The following ARHGAP19 variants were observed in gnomAD, a reference collection of about 807,000 sequenced individuals.
ARHGAP19 encodes rho GTPase-activating protein 19.
Under a neutral mutation model 60.9 loss-of-function variants are expected in ARHGAP19, and 48 were observed. The ratio of observed to expected loss-of-function variants is 0.79; its 90% confidence interval spans 0.62 to 1.00. The LOEUF is 1.00. Ranked by LOEUF, ARHGAP19 falls within the 50% of genes least tolerant of loss-of-function variation. ARHGAP19 has a pLI of 0.00. For missense variants in ARHGAP19, 562 were observed against 597.2 expected (o/e 0.94, Z 0.61); for synonymous variants, 209 against 215.5 (o/e 0.97, Z 0.27).
intron 9 of ARHGAP19, among the ~76,000 whole-genome samples, chr10:97,234,532 C>T (rs1363339401): frequency 6.6e-6 from 1 of 151,334 alleles, no homozygotes; most frequent in Non-Finnish European, 1.5e-5. Context: ...CCAAGTTAAC[C>T]AAAACCTTGC....
In ARHGAP19 at chr10:97,268,318, T is replaced by C. The variant is rs1221811243; in HGVS notation, c.57-2193A>G. Among the ~76,000 whole-genome samples, 6 of 152,332 alleles carry C rather than the reference T, an allele frequency of 3.9e-5. No individual in the cohort carries two copies. The South Asian group carries it at 6.2e-4, about 16-fold the overall frequency. On this transcript the variant is annotated intron_variant, in intron 1 of 11. Coordinates refer to ENST00000358531, the MANE Select transcript of ARHGAP19 (RefSeq NM_032900.6). The stretch of plus-strand genomic sequence containing the variant: ...TGGTCAAAGCTATTCAACAAGTCTC[T>C]AGGAAGTTCCAAACTTTCCCACGTT...
intron 9 of ARHGAP19, among the ~76,000 whole-genome samples, chr10:97,231,363 G>A (rs1851013478): frequency 6.6e-6 from 1 of 152,000 alleles, no homozygotes; most frequent in African/African-American, 2.4e-5. Flanking sequence ...ATGGTATTAA[G>A]TATATTAATA....
At chr10:97,264,780 G>A in intron 3 of ARHGAP19, 46 bp downstream of exon 3, 3 of 1,457,466 alleles carry the variant, frequency 2.1e-6, no homozygotes, top group Admixed American at 1.7e-5. Context: ...ACAGAAAACA[G>A]AATTCTTCAT....
chr10:97,292,543 C>G (rs1843251594), intron 1 of ARHGAP19, 29 bp downstream of exon 1: 1 of 1,614,112 alleles, frequency 6.2e-7, no homozygotes, highest in Non-Finnish European at 8.5e-7. Context: ...GGCCGCGTTT[C>G]CCAGGAAACT....
rs1398236393 is a variant in ARHGAP19, at chr10:97,244,178, A to G, written c.994-19T>C. On this transcript the variant is annotated intron_variant, in intron 7 of 11. Coordinates refer to ENST00000358531, the MANE Select transcript of ARHGAP19 (RefSeq NM_032900.6). The stretch of plus-strand genomic sequence containing the variant: ...GGTCATCCTAAGGAAAATTTAAAAG[A>G]AGAGTAAATTAATATATCCTGCCAA... 6.4e-7 allele frequency: 1 copy of G among 1,567,618 alleles called. No individual in the cohort carries two copies. Among genetic ancestry groups the G allele is most frequent in the Admixed American group, 2.0e-5 (1 of 49,400 alleles).
intron 6 of ARHGAP19, among the ~76,000 whole-genome samples, chr10:97,255,359 G>A (rs1842738791): frequency 6.6e-6 from 1 of 152,090 alleles, no homozygotes; most frequent in Non-Finnish European, 1.5e-5. Context: ...CAGAAGGATT[G>A]AACCCAGGAG....
In ARHGAP19 at chr10:97,263,778, T is replaced by C. The variant is rs937252441; in HGVS notation, c.404-149A>G. The C allele has an allele frequency of 7.2e-6, 5 of 693,766 alleles. No individual in the cohort carries two copies. The Admixed American group carries it at 1.1e-4, about 15-fold the overall frequency. The allele number at this position is 693,766 out of a possible 1,614,324, so 43.0% of individuals were successfully genotyped here. On this transcript the variant is annotated intron_variant, in intron 3 of 11. Transcript: ENST00000358531. ...TTTGCCTTTTTTCACCAGGGTAGTTTAGAACCTATTGACCTCCTGAGGAGA... is the reference window on the plus strand; with the variant it reads ...TTTGCCTTTTTTCACCAGGGTAGTTCAGAACCTATTGACCTCCTGAGGAGA...
intron 9 of ARHGAP19, among the ~76,000 whole-genome samples, chr10:97,232,199 T>C (rs1163320557): frequency 2.1e-5 from 3 of 140,910 alleles, no homozygotes; most frequent in Non-Finnish European, 4.5e-5. Flanking sequence ...AGTCTCGCTC[T>C]GTCACCCAGG....
intron 6 of ARHGAP19, among the ~76,000 whole-genome samples, chr10:97,247,137 CA>C (rs1322063524): frequency 8.8e-4 from 123 of 140,436 alleles, no homozygotes; most frequent in Non-Finnish European, 7.0e-4. Context: ...AACTCCATCT[CA>C]AAAAAAAAAA....
At chr10:97,255,794 T>C (rs1842745488) in intron 6 of ARHGAP19, among the ~76,000 whole-genome samples, 2 of 152,182 alleles carry the variant, frequency 1.3e-5, no homozygotes, top group Admixed American at 6.5e-5. Flanking sequence ...AAAGGTACTG[T>C]CCCTTAGGTT....
intron 1 of ARHGAP19, 62 bp from the exon 2 acceptor site, chr10:97,266,187 C>A: frequency 6.3e-7 from 1 of 1,583,260 alleles, no homozygotes; most frequent in Non-Finnish European, 8.6e-7. Flanking sequence ...ATGCACTACT[C>A]ATTGGGTTAT....
chr10:97,259,676 G>GA, intron 4 of ARHGAP19, 48 bp from the exon 5 acceptor site: 1 of 1,400,294 alleles, frequency 7.1e-7, no homozygotes, highest in East Asian at 2.3e-5. Flanking sequence ...ATATCAGCAA[G>GA]AAAAATCAGT....
chr10:97,256,904 G>C (rs1052028313), intron 5 of ARHGAP19, among the ~76,000 whole-genome samples: 1 of 151,954 alleles, frequency 6.6e-6, no homozygotes, highest in Middle Eastern at 3.2e-3. Flanking sequence ...GGCAGATCAC[G>C]AGGTCAGGAG....
chr10:97,267,111 G>C (rs907676162), intron 1 of ARHGAP19, among the ~76,000 whole-genome samples: 18 of 152,292 alleles, frequency 1.2e-4, no homozygotes, highest in African/African-American at 3.4e-4. Context: ...TCAAAAGCAA[G>C]TTAGTTACTT....
chr10:97,229,787 T>A lies in ARHGAP19; in HGVS notation c.1372A>T (p.Thr458Ser), dbSNP rs779600031. The change falls in exon 10 of 12, where the codon ACC (threonine) becomes TCC (serine). Residue 458 changes from threonine to serine, a missense_variant. Thr to Ser is a moderately conservative substitution (Grantham distance 58). Transcript: ENST00000358531. ...ACTAAGTTCCTATTTTCTTTGCTGG[T>A]TCCCTTCAATTCACCAATGGCCACA... ...ESVAIGELKG[T>S]SKENRNLLFS... 18 of 1,608,982 alleles carry A rather than the reference T, an allele frequency of 1.1e-5. No individual in the cohort carries two copies.
At position 97,243,967 on chromosome 10, in the gene ARHGAP19, CCTGT is replaced by C; in HGVS notation, c.1182_1185del (p.Arg394SerfsTer7). 6.2e-7 allele frequency: 1 copy of C among 1,602,552 alleles called. No individual in the cohort carries two copies. Among genetic ancestry groups the C allele is most frequent in the Non-Finnish European group, 8.5e-7 (1 of 1,174,876 alleles). On this transcript the variant is annotated frameshift_variant and splice_region_variant, in exon 8 of 12. Transcript: ENST00000358531. LOFTEE classifies it high-confidence loss of function. ...ATCACAACTTCCCTGCCTTTAGGCA[CCTGT>C]CTAATAAGTTGTTTCTTCTTTGCTG...
At position 97,239,545 on chromosome 10, in the gene ARHGAP19, A is replaced by AGGTTGTGT. The variant is rs1564713401; in HGVS notation, c.1186-4231_1186-4230insACACAACC. Among the ~76,000 whole-genome samples, 8 of 122,182 alleles carry AGGTTGTGT rather than the reference A, an allele frequency of 6.5e-5. 1 individual carries two copies. Among genetic ancestry groups the AGGTTGTGT allele is most frequent in the African/African-American group, 2.5e-4 (8 of 32,412 alleles). 80.2% of individuals were successfully genotyped at this position (122,182 alleles called of 152,430 possible). A position where few individuals can be genotyped will look rare whatever the true frequency, so the allele number is the denominator to read the frequency against. ...AAGAAAAAGGGAGTGAGAGAGAGAG[A>AGGTTGTGT]GAGAGGGTGTGTGTGTGTGTGTGTG... On this transcript the variant is annotated intron_variant, in intron 8 of 11. Coordinates refer to ENST00000358531, the MANE Select transcript of ARHGAP19 (RefSeq NM_032900.6).
Position 97,225,807 on chromosome 10 carries a change from G to GA in ARHGAP19, c.*314dup. On this transcript the variant is annotated 3_prime_UTR_variant, in exon 12 of 12. Transcript: ENST00000358531. ...CATTTCATATTTTTTTTCAAAAGTG[G>GA]AATCTGCCTAAACACATTGAGTGAG... is the stretch of plus-strand genomic sequence containing the variant. 1 of 291,682 alleles carries GA rather than the reference G, an allele frequency of 3.4e-6. No individual in the cohort carries two copies. The highest frequency in any genetic ancestry group is 6.3e-6 in the Non-Finnish European group (1 of 158,888). 18.1% of individuals were successfully genotyped at this position (291,682 alleles called of 1,614,324 possible).
intron 3 of ARHGAP19, 90 bp from the exon 4 acceptor site, chr10:97,263,719 T>G: frequency 7.7e-7 from 1 of 1,301,088 alleles, no homozygotes. Flanking sequence ...ACTTTACACT[T>G]AAAAGACCCT....
Sources: gnomAD v4.1 joint callset for allele counts (sites outside exome capture counted in the v4.1 genomes callset) on GRCh38, gnomAD v4.1.1 for gene constraint, MANE v1.5 for transcripts, NCBI Gene and HGNC (gene_info 2026-07-23, HGNC 2026-07-21) for gene names.